WDR27: variants seen among roughly 807,000 people sequenced by gnomAD.
WDR27 encodes the protein WD repeat domain 27.
WDR27 carries 100 observed loss-of-function variants against 114.4 expected under a neutral mutation model. The ratio of observed to expected loss-of-function variants is 0.87; its 90% confidence interval spans 0.74 to 1.03. The LOEUF is 1.03. WDR27 is among the 50% of genes least tolerant of loss of function. The pLI is 0.00. For missense variants in WDR27, 1,129 were observed against 1,092.9 expected, an observed-to-expected ratio of 1.03 and a Z score of -0.47; for synonymous variants, 449 against 423.1, an observed-to-expected ratio of 1.06 and a Z score of -0.75.
intron 25 of WDR27, among the ~76,000 whole-genome samples, chr6:169,530,075 A>C (rs1284790907): frequency 6.6e-6 from 1 of 152,238 alleles, no homozygotes; most frequent in Admixed American, 6.5e-5. Flanking sequence ...ATGTGACCGC[A>C]GTGTGCTCGG....
At position 169,678,201 on chromosome 6, in the gene WDR27, C is replaced by T. The variant is rs149071688; in HGVS notation, c.190-5805G>A. ...TCCTAGAAAAGCCGTAGGCACTCAG[C>T]AACCAGTGAAAGCAGCCACAAGGGC... is the stretch of plus-strand genomic sequence containing the variant. On this transcript the variant is annotated intron_variant, in intron 2 of 25. Coordinates refer to ENST00000448612, the MANE Select transcript of WDR27 (RefSeq NM_182552.5). Among the ~76,000 whole-genome samples, 928 of 152,350 alleles carry T rather than the reference C, an allele frequency of 6.1e-3. 9 individuals carry two copies. Among genetic ancestry groups the T allele is most frequent in the African/African-American group, 0.021 (864 of 41,572 alleles).
At chr6:169,449,388 G>T in the WDR27 span, among the ~76,000 whole-genome samples, 1 of 152,204 alleles carries the variant, frequency 6.6e-6, no homozygotes, top group Non-Finnish European at 1.5e-5. Flanking sequence ...CACAAAGTTT[G>T]AATCTATGGA....
intron 22 of WDR27, 87 bp downstream of exon 22, chr6:169,613,472 C>G: frequency 9.0e-7 from 1 of 1,112,136 alleles, no homozygotes; most frequent in Non-Finnish European, 1.3e-6. Context: ...TTAACCACAA[C>G]CTCATCACAT....
chr6:169,510,123 A>C (rs1792613200), intron 25 of WDR27, among the ~76,000 whole-genome samples: 2 of 152,252 alleles, frequency 1.3e-5, no homozygotes, highest in Non-Finnish European at 2.9e-5. Flanking sequence ...TTAAAAAGTC[A>C]GGAAACAACA....
chr6:169,522,176 A>G (rs1055015867), intron 25 of WDR27, among the ~76,000 whole-genome samples: 4 of 152,120 alleles, frequency 2.6e-5, no homozygotes, highest in African/African-American at 9.6e-5. Context: ...AAAGGTCAAG[A>G]GTAGCTATAC....
intron 25 of WDR27, among the ~76,000 whole-genome samples, chr6:169,481,278 A>G (rs1240566919): frequency 6.6e-6 from 1 of 152,216 alleles, no homozygotes; most frequent in Non-Finnish European, 1.5e-5. Context: ...TAAATGCACC[A>G]ATCAGCACCC....
chr6:169,502,150 A>AGGGAGGGC (rs1374445114), intron 25 of WDR27, among the ~76,000 whole-genome samples: 2 of 152,104 alleles, frequency 1.3e-5, no homozygotes, highest in East Asian at 3.9e-4. Context: ...TGAGGAGATG[A>AGGGAGGGC]GGGAGGGCAG....
intron 2 of WDR27, among the ~76,000 whole-genome samples, chr6:169,679,132 G>C (rs1037487070): frequency 3.9e-5 from 6 of 152,154 alleles, no homozygotes; most frequent in Non-Finnish European, 1.5e-5. Flanking sequence ...GCTTTGAGTG[G>C]TCTCGCCTTT....
intron 25 of WDR27, among the ~76,000 whole-genome samples, chr6:169,481,685 A>C (rs1385415472): frequency 6.6e-6 from 1 of 152,150 alleles, no homozygotes; most frequent in African/African-American, 2.4e-5. Context: ...TTCACTTCTG[A>C]AGCCAGTGAA....
At chr6:169,476,061 C>G (rs552348473) in intron 25 of WDR27, among the ~76,000 whole-genome samples, 1 of 152,098 alleles carries the variant, frequency 6.6e-6, no homozygotes, top group Non-Finnish European at 1.5e-5. Flanking sequence ...GGGAGAAAAG[C>G]TGAGTGTTGG....
chr6:169,671,825 G>A lies in WDR27; in HGVS notation c.331+430C>T, dbSNP rs185279524. The A allele has an allele frequency of 2.1e-3, 325 of 154,944 alleles. 2 individuals carry two copies. The highest frequency in any genetic ancestry group is 0.016 in the Middle Eastern group (5 of 306). The allele number at this position is 154,944 out of a possible 1,614,324, so 9.6% of individuals were successfully genotyped here. A position where few individuals can be genotyped will look rare whatever the true frequency, so the allele number is the denominator to read the frequency against. ...CAGTGTCTCTCTCAAACTCTGAGCT[G>A]TGACTTCCACAGGATTTGGGACCAA... On this transcript the variant is annotated intron_variant, in intron 3 of 25. Coordinates refer to ENST00000448612, the MANE Select transcript of WDR27 (RefSeq NM_182552.5).
intron 18 of WDR27, among the ~76,000 whole-genome samples, chr6:169,637,633 T>G (rs976424916): frequency 6.6e-6 from 1 of 151,990 alleles, no homozygotes; most frequent in Non-Finnish European, 1.5e-5. Context: ...TATGTAAGCA[T>G]GCGTATGTGT....
intron 14 of WDR27, among the ~76,000 whole-genome samples, chr6:169,651,201 GA>G (rs1185267366): frequency 5.0e-5 from 6 of 120,158 alleles, no homozygotes; most frequent in Admixed American, 8.3e-5. Context: ...GGGAGTGGGG[GA>G]GTGGGGGAGT....
intron 21 of WDR27, among the ~76,000 whole-genome samples, chr6:169,623,983 C>T (rs958057036): frequency 2.0e-5 from 3 of 152,124 alleles, no homozygotes; most frequent in Non-Finnish European, 4.4e-5. Flanking sequence ...ACCCACGAGG[C>T]GAGGTGAACA....
intron 25 of WDR27, among the ~76,000 whole-genome samples, chr6:169,493,543 C>T (rs1790040179): frequency 1.3e-5 from 2 of 152,052 alleles, no homozygotes; most frequent in South Asian, 4.1e-4. Flanking sequence ...TTTCTCCAAA[C>T]CTGTTTTTCT....
the WDR27 span, among the ~76,000 whole-genome samples, chr6:169,433,601 T>C: frequency 6.6e-6 from 1 of 152,238 alleles, no homozygotes; most frequent in Non-Finnish European, 1.5e-5. Context: ...TTTGGGTATA[T>C]ACCCAGTAAT....
At chr6:169,551,731 C>T (rs1490131863) in intron 25 of WDR27, among the ~76,000 whole-genome samples, 8 of 92,950 alleles carry the variant, frequency 8.6e-5, no homozygotes, top group African/African-American at 2.9e-4. Context: ...GAGCGAGACT[C>T]CATCTCAAAA....
Position 169,665,529 on chromosome 6 carries a change from T to C in WDR27, c.740A>G (p.Asp247Gly), listed in dbSNP as rs1827601305. ...GGTGACCAGCTGCCTGCTTTCTGCATCAATGAATAAACTGAGAAGAGGATA... is the reference window on the plus strand; with the variant it reads ...GGTGACCAGCTGCCTGCTTTCTGCACCAATGAATAAACTGAGAAGAGGATA... ...SAYPLLSLFI[D>G]AESRQLVTGC... The change falls in exon 7 of 26, where the codon GAT becomes GGT. Residue 247 changes from aspartate (D) to glycine (G), a missense_variant. By Grantham distance (94) the Asp-to-Gly change is moderately conservative. Transcript: ENST00000448612. 1 of 1,613,826 alleles carries C rather than the reference T, an allele frequency of 6.2e-7. No homozygotes were observed. Among genetic ancestry groups the C allele is most frequent in the Non-Finnish European group, 8.5e-7 (1 of 1,179,766 alleles).
the WDR27 span, among the ~76,000 whole-genome samples, chr6:169,428,774 C>G: frequency 1.9e-3 from 294 of 152,314 alleles, 2 homozygotes; most frequent in Non-Finnish European, 2.0e-3. Context: ...GAGGGTGAGC[C>G]CTTGCCTTCA....
Sources: gnomAD v4.1 joint callset for allele counts (sites outside exome capture counted in the v4.1 genomes callset) on GRCh38, gnomAD v4.1.1 for gene constraint, MANE v1.5 for transcripts, NCBI Gene and HGNC (gene_info 2026-07-23, HGNC 2026-07-21) for gene names.